TMTC2: variants seen among roughly 807,000 people sequenced by gnomAD.
TMTC2 encodes protein O-mannosyl-transferase TMTC2.
A neutral mutation model predicts 82.4 loss-of-function variants in TMTC2; 43 were observed. That is an observed-to-expected ratio of 0.52 (90% confidence interval 0.41 to 0.67). The LOEUF is 0.67. TMTC2 is among the 30% of genes least tolerant of loss of function. The pLI is 0.00. For missense variants in TMTC2, 919 were observed against 1,012.4 expected, an observed-to-expected ratio of 0.91 and a Z score of 1.25; for synonymous variants, 408 against 381.9, an observed-to-expected ratio of 1.07 and a Z score of -0.80.
Position 83,132,195 on chromosome 12 carries a change from T to A in TMTC2, c.2332-15T>A. On this transcript the variant is annotated splice_polypyrimidine_tract_variant and intron_variant, in intron 11 of 11. Coordinates refer to ENST00000321196, the MANE Select transcript of TMTC2 (RefSeq NM_152588.3). Reference sequence around the variant, plus strand: ...AATGGCCTCCTAATTGTTTTCCTTCTTTCTCTTGTTGCAGTATCCGGCTGC... The same window carrying A: ...AATGGCCTCCTAATTGTTTTCCTTCATTCTCTTGTTGCAGTATCCGGCTGC... 6.3e-7 allele frequency: 1 copy of A among 1,579,832 alleles called. No individual in the cohort carries two copies. The highest frequency in any genetic ancestry group is 1.4e-5 in the African/African-American group (1 of 72,934).
intron 2 of TMTC2, among the ~76,000 whole-genome samples, chr12:82,879,809 G>A (rs182122233): frequency 6.6e-6 from 1 of 152,284 alleles, no homozygotes; most frequent in East Asian, 1.9e-4. Context: ...TCTGTAAAAT[G>A]TTTAATAAAC....
intron 1 of TMTC2, among the ~76,000 whole-genome samples, chr12:82,773,216 A>G (rs1213062714): frequency 6.6e-6 from 1 of 152,066 alleles, no homozygotes; most frequent in East Asian, 1.9e-4. Flanking sequence ...TACAGCTTCT[A>G]TGTCTTTTTG....
chr12:82,702,024 C>T (rs1268785161), intron 1 of TMTC2, among the ~76,000 whole-genome samples: 2 of 152,114 alleles, frequency 1.3e-5, no homozygotes, highest in Non-Finnish European at 2.9e-5. Context: ...TCTGATTTCC[C>T]CTGCCCCCAC....
In TMTC2 at chr12:82,922,332, A is replaced by T. The variant is rs1475977875; in HGVS notation, c.1484-8099A>T. Among the ~76,000 whole-genome samples, 4 of 152,210 alleles carry T rather than the reference A, an allele frequency of 2.6e-5. No homozygotes were observed. In the East Asian group the frequency reaches 7.7e-4, roughly 29 times the overall value. On this transcript the variant is annotated intron_variant, in intron 3 of 11. Coordinates refer to ENST00000321196, the MANE Select transcript of TMTC2 (RefSeq NM_152588.3). ...GAATAAGTACCAAAGTGAAAATTTG[A>T]AGATAATCCCAAACATCTGTTTTGA...
intron 11 of TMTC2, among the ~76,000 whole-genome samples, chr12:83,076,964 T>C (rs1883301440): frequency 6.6e-6 from 1 of 152,218 alleles, no homozygotes; most frequent in Admixed American, 6.5e-5. Context: ...TAATTTCTAT[T>C]GAAAGTTCCA....
chr12:82,821,439 A>G (rs981133100), intron 1 of TMTC2, among the ~76,000 whole-genome samples: 3 of 152,188 alleles, frequency 2.0e-5, no homozygotes, highest in Admixed American at 2.0e-4. Flanking sequence ...TCTTTAAAAT[A>G]CAGTCTTCTA....
Position 82,974,758 on chromosome 12 carries a change from A to G in TMTC2, c.1948+7761A>G, listed in dbSNP as rs573618881. 1.7e-4 allele frequency among the ~76,000 whole-genome samples: 26 copies of G among 152,338 alleles called. 1 individual carries two copies. The Middle Eastern group carries it at 0.01, about 60-fold the overall frequency. On this transcript the variant is annotated intron_variant, in intron 7 of 11. Transcript: ENST00000321196. ...ATTTCATGCATAGGTTTGATGAAGC[A>G]TGGACAGCCTTGTAGAAATGTGATT...
At chr12:82,845,254 T>A (rs535358354) in intron 1 of TMTC2, among the ~76,000 whole-genome samples, 1,607 of 82,350 alleles carry the variant, frequency 0.02, 17 homozygotes, top group African/African-American at 0.051. Flanking sequence ...AAAAAAAAAA[T>A]ATATATATAT....
In TMTC2 at chr12:82,975,499, C is replaced by T. The variant is rs73146592; in HGVS notation, c.1948+8502C>T. On this transcript the variant is annotated intron_variant, in intron 7 of 11. Coordinates refer to ENST00000321196, the MANE Select transcript of TMTC2 (RefSeq NM_152588.3). Reference sequence around the variant, plus strand: ...TTTGTTCCGGATTGCATTATTTTTGCCAACATGTTAATTATGGGAACGGGA... The same window carrying T: ...TTTGTTCCGGATTGCATTATTTTTGTCAACATGTTAATTATGGGAACGGGA... 3.7e-3 allele frequency among the ~76,000 whole-genome samples: 569 copies of T among 152,174 alleles called. 2 individuals carry two copies. Among genetic ancestry groups the T allele is most frequent in the Admixed American group, 5.6e-3 (86 of 15,278 alleles).
intron 1 of TMTC2, among the ~76,000 whole-genome samples, chr12:82,834,496 C>T (rs1002510951): frequency 1.3e-5 from 2 of 152,152 alleles, no homozygotes; most frequent in Non-Finnish European, 2.9e-5. Flanking sequence ...TTAGTAATTC[C>T]CACATCTCAG....
Position 82,982,088 on chromosome 12 carries a change from A to G in TMTC2, c.1949-3837A>G, listed in dbSNP as rs1468120496. On this transcript the variant is annotated intron_variant, in intron 7 of 11. Transcript: ENST00000321196. ...GTTCATTTTGTAAAATGAGACTGAT[A>G]ATAACAGTGTAGGGATAATGTAAAG... Among the ~76,000 whole-genome samples the G allele has an allele frequency of 6.6e-5, 10 of 151,810 alleles. No individual in the cohort carries two copies. In the East Asian group the frequency reaches 1.9e-3, roughly 29 times the overall value.
Position 82,863,375 on chromosome 12 carries a change from G to T in TMTC2, c.654+5795G>T, listed in dbSNP as rs187899794. On this transcript the variant is annotated intron_variant, in intron 2 of 11. Coordinates refer to ENST00000321196, the MANE Select transcript of TMTC2 (RefSeq NM_152588.3). Reference sequence around the variant, plus strand: ...ATTTCTTAGCTTTATTGAAACTGTAGGGCTGTTTGTTAGGCCCTTACGAAT... The same window carrying T: ...ATTTCTTAGCTTTATTGAAACTGTATGGCTGTTTGTTAGGCCCTTACGAAT... Among the ~76,000 whole-genome samples the T allele has an allele frequency of 5.3e-5, 8 of 152,200 alleles. No homozygotes were observed. In the East Asian group the frequency reaches 1.5e-3, roughly 29 times the overall value.
chr12:82,717,931 A>G (rs1158834919), intron 1 of TMTC2, among the ~76,000 whole-genome samples: 5 of 152,176 alleles, frequency 3.3e-5, no homozygotes, highest in African/African-American at 9.7e-5. Context: ...AATTAAAACA[A>G]TTAAAAAGGA....
intron 1 of TMTC2, among the ~76,000 whole-genome samples, chr12:82,764,945 C>G (rs1876862418): frequency 7.0e-6 from 1 of 143,524 alleles, no homozygotes. Context: ...GGCAGGGGAA[C>G]AATCAGATAC....
intron 7 of TMTC2, among the ~76,000 whole-genome samples, chr12:82,981,282 G>C (rs1878903431): frequency 6.6e-6 from 1 of 151,856 alleles, no homozygotes; most frequent in Non-Finnish European, 1.5e-5. Flanking sequence ...AGCAGGAGCT[G>C]TCCAGTAATT....
At chr12:82,856,575 C>T (rs1871268592) in intron 1 of TMTC2, among the ~76,000 whole-genome samples, 1 of 152,120 alleles carries the variant, frequency 6.6e-6, no homozygotes, top group South Asian at 2.1e-4. Flanking sequence ...CTGATATTCC[C>T]TGTAAAATTT....
intron 2 of TMTC2, among the ~76,000 whole-genome samples, chr12:82,864,496 C>CTTTTT (rs775559477): frequency 2.7e-4 from 29 of 107,784 alleles, no homozygotes; most frequent in African/African-American, 3.5e-4. Context: ...ATGTCACATT[C>CTTTTT]TTTTTTTTTT....
intron 9 of TMTC2, among the ~76,000 whole-genome samples, chr12:83,040,973 C>T (rs1030013814): frequency 3.3e-5 from 5 of 152,004 alleles, no homozygotes; most frequent in East Asian, 1.9e-4. Flanking sequence ...CATGAGCCAC[C>T]GCACCAGGTC....
At chr12:82,962,180 G>C (rs1002364901) in intron 4 of TMTC2, among the ~76,000 whole-genome samples, 1 of 151,918 alleles carries the variant, frequency 6.6e-6, no homozygotes, top group Non-Finnish European at 1.5e-5. Flanking sequence ...ATAATGACAG[G>C]AATATAGTCT....
Sources: allele counts gnomAD v4.1 joint callset (sites outside exome capture counted in the v4.1 genomes callset), GRCh38; gene constraint gnomAD v4.1.1; transcripts MANE v1.5; gene names NCBI Gene and HGNC (gene_info 2026-07-23, HGNC 2026-07-21).